The following TTLL11 variants were observed in gnomAD, a reference collection of about 807,000 sequenced individuals.
TTLL11 encodes the protein tubulin tyrosine ligase like 11.
A neutral mutation model predicts 51.7 loss-of-function variants in TTLL11; 42 were observed. The ratio of observed to expected loss-of-function variants is 0.81; its 90% CI spans 0.64 to 1.05. TTLL11 has a LOEUF of 1.05. Among genes scored for constraint, TTLL11 ranks in the 50% least tolerant of loss-of-function variants. TTLL11 has a pLI of 0.00. For missense variants in TTLL11, 799 were observed against 940.4 expected (o/e 0.85, Z 1.97); for synonymous variants, 381 against 383.5 (o/e 0.99, Z 0.08).
At chr9:122,018,207 G>A (rs916798197) in intron 3 of TTLL11, among the ~76,000 whole-genome samples, 1 of 150,364 alleles carries the variant, frequency 6.7e-6, no homozygotes, top group Non-Finnish European at 1.5e-5. Flanking sequence ...CTACCTCCTG[G>A]GTTCACGTCA....
chr9:121,929,990 T>C (rs1430720074), intron 6 of TTLL11, among the ~76,000 whole-genome samples: 3 of 152,256 alleles, frequency 2.0e-5, no homozygotes, highest in Admixed American at 6.5e-5. Context: ...GTGGCTACAA[T>C]TAAATTTTGG....
At chr9:121,986,456 G>C (rs1842944131) in intron 4 of TTLL11, among the ~76,000 whole-genome samples, 1 of 152,200 alleles carries the variant, frequency 6.6e-6, no homozygotes. Flanking sequence ...CTTGACCCTA[G>C]CTTTTTGATG....
intron 1 of TTLL11, among the ~76,000 whole-genome samples, chr9:122,040,891 T>C (rs1588231340): frequency 6.6e-6 from 1 of 152,238 alleles, no homozygotes; most frequent in Admixed American, 6.5e-5. Context: ...TACTCATAAA[T>C]ACAATGAGAT....
chr9:121,991,681 A>G (rs555106790), intron 3 of TTLL11, among the ~76,000 whole-genome samples: 1 of 152,326 alleles, frequency 6.6e-6, no homozygotes, highest in South Asian at 2.1e-4. Flanking sequence ...CCTTAAATAA[A>G]TTAAACTACC....
At chr9:121,937,705 C>T (rs1323678585) in intron 6 of TTLL11, among the ~76,000 whole-genome samples, 1 of 151,474 alleles carries the variant, frequency 6.6e-6, no homozygotes, top group African/African-American at 2.4e-5. Context: ...AGAAAAAGAC[C>T]AGGCAAACCA....
rs1836450253 is a variant in TTLL11, at chr9:121,817,671, C to T, written c.*4916G>A. The T allele has an allele frequency of 6.6e-6, 1 of 152,250 alleles. No individual in the cohort carries two copies. The highest frequency in any genetic ancestry group is 1.5e-5 in the Non-Finnish European group (1 of 68,086). 9.4% of individuals were successfully genotyped at this position (152,250 alleles called of 1,614,324 possible). The stretch of plus-strand genomic sequence containing the variant: ...TGCGGGACGTGGGTTTCCACACCTG[C>T]AAAATGGGATGTTTTGGGGAGTGCT... On this transcript the variant is annotated 3_prime_UTR_variant, in exon 9 of 9. Coordinates refer to ENST00000321582, the MANE Select transcript of TTLL11 (RefSeq NM_001139442.2).
intron 6 of TTLL11, among the ~76,000 whole-genome samples, chr9:121,916,414 T>C (rs1840329995): frequency 6.6e-6 from 1 of 152,148 alleles, no homozygotes; most frequent in Non-Finnish European, 1.5e-5. Flanking sequence ...GGTTGAGGGA[T>C]AAGCTGAGGG....
chr9:121,827,359 C>G (rs1277454859), intron 8 of TTLL11, among the ~76,000 whole-genome samples: 2 of 152,034 alleles, frequency 1.3e-5, no homozygotes, highest in Non-Finnish European at 2.9e-5. Context: ...GCCCTTGAAC[C>G]CTTGTTTAGC....
chr9:122,054,210 C>T (rs914226328), intron 1 of TTLL11, among the ~76,000 whole-genome samples: 14 of 151,974 alleles, frequency 9.2e-5, no homozygotes, highest in African/African-American at 2.7e-4. Flanking sequence ...TGAGGCCCAT[C>T]GTCCGCCTTG....
intron 1 of TTLL11, among the ~76,000 whole-genome samples, chr9:122,044,382 G>A (rs1394623520): frequency 1.3e-5 from 2 of 152,242 alleles, no homozygotes; most frequent in South Asian, 2.1e-4. Context: ...CCAGTAATGG[G>A]ATGGCTGGGT....
Position 122,092,780 on chromosome 9 carries a change from G to T in TTLL11, c.369C>A (p.Asn123Lys), listed in dbSNP as rs74775599. The T allele has an allele frequency of 3.3e-4, 505 of 1,540,012 alleles. 1 individual carries two copies. In the African/African-American group the frequency reaches 6.5e-3, roughly 20 times the overall value. Residue 123 changes from asparagine (N) to lysine (K), a missense_variant, in exon 1 of 9, where the codon AAC becomes AAA. By Grantham distance (94) the Asn-to-Lys change is moderately conservative (BLOSUM62 0). Transcript: ENST00000321582. The part of the protein sequence containing the change: ...KRSSGHGSGE[N>K]GSQRPVTVDS... ...CCACGGTGACCGGCCGCTGGGAGCC[G>T]TTCTCGCCGGAACCGTGGCCCGAGC...
In TTLL11 at chr9:122,088,811, G is replaced by C. The variant is rs146929569; in HGVS notation, c.462+3876C>G. The stretch of plus-strand genomic sequence containing the variant: ...ACTTGAGGTCAGGAGTTCAAGACCA[G>C]TCTGGCCAACATGGTGAAACCCCAT... On this transcript the variant is annotated intron_variant, in intron 1 of 8. Coordinates refer to ENST00000321582, the MANE Select transcript of TTLL11 (RefSeq NM_001139442.2). Among the ~76,000 whole-genome samples, 510 of 152,148 alleles carry C rather than the reference G, an allele frequency of 3.4e-3. 3 individuals are homozygous for C. Among genetic ancestry groups the C allele is most frequent in the African/African-American group, 0.012 (491 of 41,516 alleles).
chr9:122,020,614 T>C lies in TTLL11; in HGVS notation c.693+11109A>G, dbSNP rs1266405968. Among the ~76,000 whole-genome samples, 6 of 152,224 alleles carry C rather than the reference T, an allele frequency of 3.9e-5. No individual in the cohort carries two copies. The South Asian group carries it at 6.2e-4, about 16-fold the overall frequency. ...AATTGTTATGGACTATATGCTTGTG[T>C]TCCCACCCCACCTCTGCATTCAGAT... On this transcript the variant is annotated intron_variant, in intron 3 of 8. Transcript: ENST00000321582.
chr9:121,909,201 G>A (rs930129428), intron 6 of TTLL11, among the ~76,000 whole-genome samples: 2 of 152,136 alleles, frequency 1.3e-5, no homozygotes, highest in African/African-American at 4.8e-5. Flanking sequence ...CCAAAAGCCT[G>A]AGGGTTGTGA....
intron 1 of TTLL11, among the ~76,000 whole-genome samples, chr9:122,066,094 G>A (rs2131882173): frequency 6.6e-6 from 1 of 152,178 alleles, no homozygotes; most frequent in South Asian, 2.1e-4. Flanking sequence ...TAGATTTCCT[G>A]GAAGCTGTAA....
intron 3 of TTLL11, among the ~76,000 whole-genome samples, chr9:121,990,180 C>A (rs1843069654): frequency 6.6e-6 from 1 of 152,198 alleles, no homozygotes; most frequent in Non-Finnish European, 1.5e-5. Flanking sequence ...CTCATCTAAC[C>A]CTCACAGAAA....
chr9:122,008,633 A>G (rs976616118), intron 3 of TTLL11, among the ~76,000 whole-genome samples: 1 of 152,242 alleles, frequency 6.6e-6, no homozygotes, highest in African/African-American at 2.4e-5. Flanking sequence ...TAGTATGGCC[A>G]TTATGGAAAA....
At chr9:121,876,675 A>G (rs1259604928) in intron 6 of TTLL11, among the ~76,000 whole-genome samples, 1 of 152,230 alleles carries the variant, frequency 6.6e-6, no homozygotes, top group Non-Finnish European at 1.5e-5. Context: ...TGCCAGCACT[A>G]TGTATTCCGA....
chr9:121,825,846 G>GA (rs770063725), intron 8 of TTLL11, among the ~76,000 whole-genome samples: 168 of 134,218 alleles, frequency 1.3e-3, no homozygotes, highest in Middle Eastern at 3.6e-3. Flanking sequence ...GGCCAATTTG[G>GA]AAAAAAAAAA....
Sources: allele counts gnomAD v4.1 joint callset (sites outside exome capture counted in the v4.1 genomes callset), GRCh38; gene constraint gnomAD v4.1.1; transcripts MANE v1.5; gene names NCBI Gene and HGNC (gene_info 2026-07-23, HGNC 2026-07-21).